Variants in ATRNL1 observed in about 807,000 individuals in gnomAD.
The protein encoded by ATRNL1 is attractin-like protein 1.
In ATRNL1, 95 loss-of-function variants were observed where a neutral mutation model predicts 182.7. That is an observed-to-expected ratio of 0.52 (90% confidence interval 0.44 to 0.62). The LOEUF (loss-of-function observed/expected upper bound fraction) is 0.62, where lower values mean the gene tolerates loss of function less well. Among genes scored for constraint, ATRNL1 ranks in the 20% least tolerant of loss-of-function variants. ATRNL1 has a pLI of 0.00. For missense variants in ATRNL1, 1,471 were observed against 1,679.5 expected, an observed-to-expected ratio of 0.88 and a Z score of 2.17; for synonymous variants, 576 against 568.3, an observed-to-expected ratio of 1.01 and a Z score of -0.19.
chr10:115,544,264 T>A (rs1299792767), intron 25 of ATRNL1, among the ~76,000 whole-genome samples: 3 of 152,170 alleles, frequency 2.0e-5, no homozygotes, highest in Non-Finnish European at 2.9e-5. Flanking sequence ...AATAAAAGTT[T>A]ACAATGCTTC....
At chr10:115,587,486 A>G (rs1375369681) in intron 26 of ATRNL1, among the ~76,000 whole-genome samples, 1 of 151,746 alleles carries the variant, frequency 6.6e-6, no homozygotes, top group Non-Finnish European at 1.5e-5. Flanking sequence ...AGCCCGTCGG[A>G]AAAGCGCAGT....
chr10:115,254,101 T>TA (rs1851007924), intron 10 of ATRNL1, among the ~76,000 whole-genome samples: 2 of 152,220 alleles, frequency 1.3e-5, no homozygotes, highest in African/African-American at 2.4e-5. Flanking sequence ...AACATATGTG[T>TA]GCATGTGTCT....
chr10:115,146,273 A>G (rs987388420), intron 5 of ATRNL1, among the ~76,000 whole-genome samples: 31 of 152,130 alleles, frequency 2.0e-4, no homozygotes, highest in Non-Finnish European at 4.0e-4. Context: ...ATGAGCCAAA[A>G]TTACATCAAA....
chr10:115,621,632 A>G (rs2133806556), intron 26 of ATRNL1, among the ~76,000 whole-genome samples: 1 of 151,980 alleles, frequency 6.6e-6, no homozygotes, highest in African/African-American at 2.4e-5. Context: ...TAATTTCCTC[A>G]TCAGTTTAAA....
intron 28 of ATRNL1, among the ~76,000 whole-genome samples, chr10:115,870,757 G>A (rs922754859): frequency 6.6e-5 from 10 of 152,188 alleles, no homozygotes; most frequent in Non-Finnish European, 1.5e-4. Flanking sequence ...GACTGTCTGA[G>A]ATTTAATTCC....
intron 28 of ATRNL1, among the ~76,000 whole-genome samples, chr10:115,910,319 G>T (rs1952635502): frequency 6.6e-6 from 1 of 152,236 alleles, no homozygotes; most frequent in Non-Finnish European, 1.5e-5. Context: ...CTGTGTCAAG[G>T]GCACTCAATT....
At chr10:115,914,725 C>G (rs1432082451) in intron 28 of ATRNL1, among the ~76,000 whole-genome samples, 1 of 152,160 alleles carries the variant, frequency 6.6e-6, no homozygotes, top group Non-Finnish European at 1.5e-5. Context: ...TTTTATGTTT[C>G]TTTTCCCGAT....
At chr10:115,584,099 G>A (rs562356719) in intron 26 of ATRNL1, among the ~76,000 whole-genome samples, 1 of 151,672 alleles carries the variant, frequency 6.6e-6, no homozygotes, top group South Asian at 2.1e-4. Context: ...CAGGTATGAA[G>A]CCCACTCGAT....
chr10:115,910,321 C>T (rs1039194676), intron 28 of ATRNL1, among the ~76,000 whole-genome samples: 6 of 152,194 alleles, frequency 3.9e-5, no homozygotes, highest in Non-Finnish European at 8.8e-5. Context: ...GTGTCAAGGG[C>T]ACTCAATTTG....
chr10:115,355,501 T>C (rs781793535), intron 19 of ATRNL1, among the ~76,000 whole-genome samples: 1 of 152,142 alleles, frequency 6.6e-6, no homozygotes, highest in Non-Finnish European at 1.5e-5. Flanking sequence ...TAAGGAGCCC[T>C]TCTCTACCCT....
At chr10:115,166,123 TCTA>T (rs1218163689) in intron 7 of ATRNL1, among the ~76,000 whole-genome samples, 6 of 152,100 alleles carry the variant, frequency 3.9e-5, no homozygotes, top group Admixed American at 3.9e-4. Context: ...ATTTAACTGC[TCTA>T]GGTACCTCAT....
chr10:115,450,221 C>T (rs1271435371), intron 21 of ATRNL1, among the ~76,000 whole-genome samples: 3 of 152,136 alleles, frequency 2.0e-5, no homozygotes, highest in African/African-American at 7.2e-5. Flanking sequence ...AAAACTGGCA[C>T]AAGACAAGGA....
intron 9 of ATRNL1, among the ~76,000 whole-genome samples, chr10:115,230,065 A>G (rs1554899615): frequency 6.6e-6 from 1 of 151,984 alleles, no homozygotes; most frequent in Non-Finnish European, 1.5e-5. Flanking sequence ...TACCCTCCAT[A>G]TATGTATTTG....
chr10:115,362,864 G>A (rs1554944694), intron 19 of ATRNL1, among the ~76,000 whole-genome samples: 1 of 150,566 alleles, frequency 6.6e-6, no homozygotes, highest in Non-Finnish European at 1.5e-5. Flanking sequence ...CATTTTTTAT[G>A]GCTGCATAGT....
chr10:115,727,199 A>C, intron 26 of ATRNL1, 49 bp from the exon 27 acceptor site: 2 of 1,331,760 alleles, frequency 1.5e-6, no homozygotes, highest in Non-Finnish European at 2.2e-6. Context: ...GTTGAATTTC[A>C]TGTGCTTTTA....
chr10:115,862,009 A>G (rs1038579404), intron 28 of ATRNL1, among the ~76,000 whole-genome samples: 1 of 152,202 alleles, frequency 6.6e-6, no homozygotes, highest in Non-Finnish European at 1.5e-5. Context: ...AAGCAGGATC[A>G]GAGCCCTTAC....
chr10:115,687,592 T>C lies in ATRNL1; in HGVS notation c.3796-39656T>C, dbSNP rs186351728. Among the ~76,000 whole-genome samples the C allele has an allele frequency of 7.5e-4, 114 of 152,234 alleles. 1 individual carries two copies. The highest frequency in any genetic ancestry group is 2.5e-3 in the African/African-American group (102 of 41,572). On this transcript the variant is annotated intron_variant, in intron 26 of 28. Transcript: ENST00000355044. ...GCTGAAATAAACATAGGAATACAGA[T>C]ACCTCTTTGAGATATTAATTTCATT...
chr10:115,499,830 T>A (rs1554979544), intron 24 of ATRNL1, among the ~76,000 whole-genome samples: 2 of 152,194 alleles, frequency 1.3e-5, no homozygotes. Flanking sequence ...GCTTGATTTT[T>A]CCCTGTAGCT....
chr10:115,528,793 G>T (rs782699527), intron 25 of ATRNL1, among the ~76,000 whole-genome samples: 12 of 151,920 alleles, frequency 7.9e-5, no homozygotes, highest in Non-Finnish European at 1.8e-4. Flanking sequence ...GCTTTACAGT[G>T]TTCCATGAGT....
Sources: gnomAD v4.1 joint callset for allele counts (sites outside exome capture counted in the v4.1 genomes callset) on GRCh38, gnomAD v4.1.1 for gene constraint, MANE v1.5 for transcripts, NCBI Gene and HGNC (gene_info 2026-07-23, HGNC 2026-07-21) for gene names.